SLC26A7: variants seen among roughly 807,000 people sequenced by gnomAD.
The protein encoded by SLC26A7 is solute carrier family 26 member 7, also known as anion exchange transporter.
SLC26A7 carries 59 observed loss-of-function variants against 82.5 expected under a neutral mutation model. The observed-to-expected ratio is 0.72, with a 90% CI of 0.58 to 0.89. SLC26A7 has a LOEUF of 0.89. Ranked by LOEUF, SLC26A7 falls within the 40% of genes least tolerant of loss-of-function variation. The probability of loss-of-function intolerance (pLI) is 0.00; values close to 1 mark genes in which losing one functional copy is unlikely to be tolerated. For missense variants in SLC26A7, 820 were observed against 793.0 expected (o/e 1.03, Z -0.41); for synonymous variants, 271 against 274.3 (o/e 0.99, Z 0.12).
intron 15 of SLC26A7, among the ~76,000 whole-genome samples, chr8:91,381,804 C>A (rs575692145): frequency 6.6e-6 from 1 of 152,224 alleles, no homozygotes; most frequent in South Asian, 2.1e-4. Flanking sequence ...GCTTTAAATG[C>A]TGAGGTTATG....
chr8:91,317,870 CTG>C (rs1812681634), intron 4 of SLC26A7, among the ~76,000 whole-genome samples: 1 of 149,936 alleles, frequency 6.7e-6, no homozygotes. Flanking sequence ...AGAAAAAATA[CTG>C]TGTTAATTTT....
chr8:91,358,218 T>C (rs1452382845), intron 11 of SLC26A7, among the ~76,000 whole-genome samples: 6 of 152,170 alleles, frequency 3.9e-5, no homozygotes, highest in Non-Finnish European at 7.3e-5. Flanking sequence ...TTCAGGGATC[T>C]AGAACTGGAA....
intron 2 of SLC26A7, among the ~76,000 whole-genome samples, chr8:91,228,726 TA>T (rs1435695849): frequency 1.3e-5 from 2 of 152,218 alleles, no homozygotes; most frequent in East Asian, 3.9e-4. Flanking sequence ...ACTTTAATTA[TA>T]ACTAAAGCCT....
Position 91,241,897 on chromosome 8 carries a change from A to C in SLC26A7, c.-33-7722A>C, listed in dbSNP as rs1810478734. Among the ~76,000 whole-genome samples, 3 of 152,152 alleles carry C rather than the reference A, an allele frequency of 2.0e-5. No individual in the cohort carries two copies. In the South Asian group the frequency reaches 6.2e-4, roughly 32 times the overall value. On this transcript the variant is annotated intron_variant, in intron 2 of 5. Transcript: ENST00000522862. ...GATCTTTTGGTACTATTTCAACTTTAAGAGATTTAATGAGGCTAACATTGC... is the reference window on the plus strand; with the variant it reads ...GATCTTTTGGTACTATTTCAACTTTCAGAGATTTAATGAGGCTAACATTGC...
intron 7 of SLC26A7, among the ~76,000 whole-genome samples, chr8:91,339,862 A>G (rs920432062): frequency 6.6e-6 from 1 of 152,118 alleles, no homozygotes; most frequent in African/African-American, 2.4e-5. Context: ...TGGAGCCTTT[A>G]TACATATTTT....
At chr8:91,345,003 C>T (rs1586434863) in intron 9 of SLC26A7, among the ~76,000 whole-genome samples, 3 of 150,778 alleles carry the variant, frequency 2.0e-5, no homozygotes, top group African/African-American at 7.3e-5. Flanking sequence ...AGTGCAGTGG[C>T]ACCACTATAG....
At chr8:91,358,449 G>T (rs1416851408) in intron 11 of SLC26A7, among the ~76,000 whole-genome samples, 1 of 150,952 alleles carries the variant, frequency 6.6e-6, no homozygotes, top group Non-Finnish European at 1.5e-5. Flanking sequence ...CCTGCCTCAG[G>T]CTCCCAAGTA....
intron 2 of SLC26A7, among the ~76,000 whole-genome samples, chr8:91,253,409 C>T (rs982574719): frequency 3.9e-5 from 6 of 152,214 alleles, no homozygotes; most frequent in African/African-American, 1.2e-4. Context: ...ATGGGCCCTG[C>T]AGTCGCTGTA....
chr8:91,266,730 A>T (rs939020997), intron 2 of SLC26A7, among the ~76,000 whole-genome samples: 1 of 151,810 alleles, frequency 6.6e-6, no homozygotes, highest in African/African-American at 2.4e-5. Context: ...AATGCCCTTT[A>T]TTTGTTTCTC....
intron 4 of SLC26A7, among the ~76,000 whole-genome samples, chr8:91,307,881 T>C (rs946214504): frequency 6.6e-6 from 1 of 151,796 alleles, no homozygotes; most frequent in Non-Finnish European, 1.5e-5. Context: ...AATTTTTTTG[T>C]AGAAATGGGG....
At chr8:91,371,639 T>C (rs532003935) in intron 15 of SLC26A7, among the ~76,000 whole-genome samples, 116 of 151,930 alleles carry the variant, frequency 7.6e-4, no homozygotes, top group African/African-American at 2.5e-3. Context: ...ATCCAGTCCA[T>C]CTAGGTTGAT....
intron 1 of SLC26A7, among the ~76,000 whole-genome samples, chr8:91,217,609 C>T (rs1199950531): frequency 6.6e-6 from 1 of 152,082 alleles, no homozygotes; most frequent in Non-Finnish European, 1.5e-5. Flanking sequence ...GTTACATGGT[C>T]ATATATTGAG....
At chr8:91,388,153 C>T (rs150341897) in intron 15 of SLC26A7, among the ~76,000 whole-genome samples, 8 of 152,062 alleles carry the variant, frequency 5.3e-5, no homozygotes, top group Non-Finnish European at 8.8e-5. Flanking sequence ...TTTTTAGAGA[C>T]GGAGTCTTGC....
intron 15 of SLC26A7, among the ~76,000 whole-genome samples, chr8:91,388,278 G>A (rs571765823): frequency 5.8e-4 from 86 of 147,994 alleles, no homozygotes; most frequent in Non-Finnish European, 1.1e-3. Flanking sequence ...TTTTAGTCTC[G>A]CTCTGTTGCC....
At chr8:91,358,033 A>G (rs541593200) in intron 11 of SLC26A7, among the ~76,000 whole-genome samples, 1 of 152,358 alleles carries the variant, frequency 6.6e-6, no homozygotes, top group South Asian at 2.1e-4. Context: ...TGGCCATCAG[A>G]GAAATACAAA....
upstream of SLC26A7, among the ~76,000 whole-genome samples, chr8:91,244,898 A>G (rs1288647560): frequency 1.3e-5 from 2 of 152,146 alleles, no homozygotes; most frequent in Non-Finnish European, 2.9e-5. Flanking sequence ...CAGAATATGA[A>G]ATAATAGCAG....
chr8:91,236,325 G>C (rs996834813), intron 2 of SLC26A7, among the ~76,000 whole-genome samples: 3 of 152,116 alleles, frequency 2.0e-5, no homozygotes, highest in Admixed American at 6.5e-5. Context: ...AGTTTTCAGG[G>C]AATAATAGAG....
chr8:91,291,833 G>A (rs549382695), intron 3 of SLC26A7, among the ~76,000 whole-genome samples: 2 of 152,166 alleles, frequency 1.3e-5, no homozygotes, highest in South Asian at 4.2e-4. Flanking sequence ...CTTAACTGTA[G>A]TCATTCAACA....
chr8:91,240,562 CTTA>C (rs1308167365), intron 2 of SLC26A7, among the ~76,000 whole-genome samples: 3 of 152,098 alleles, frequency 2.0e-5, no homozygotes, highest in African/African-American at 7.2e-5. Context: ...TGTCCCTTTT[CTTA>C]TTATAGTACT....
Sources: gnomAD v4.1 joint callset for allele counts (sites outside exome capture counted in the v4.1 genomes callset) on GRCh38, gnomAD v4.1.1 for gene constraint, MANE v1.5 for transcripts, NCBI Gene and HGNC (gene_info 2026-07-23, HGNC 2026-07-21) for gene names.